Variants in HPSE2 observed in about 807,000 individuals in gnomAD.
HPSE2 encodes heparanase 2 (inactive).
In HPSE2, 38 loss-of-function variants were observed where a neutral mutation model predicts 60.5. The observed-to-expected ratio is 0.63, with a 90% CI of 0.48 to 0.82. The LOEUF (loss-of-function observed/expected upper bound fraction) is 0.82. Among genes scored for constraint, HPSE2 ranks in the 40% least tolerant of loss-of-function variants. The probability of loss-of-function intolerance (pLI) is 0.00; values close to 1 mark genes in which losing one functional copy is unlikely to be tolerated. For missense variants in HPSE2, 713 were observed against 740.4 expected (o/e 0.96, Z 0.43); for synonymous variants, 295 against 293.2 (o/e 1.01, Z -0.06).
the HPSE2 span, among the ~76,000 whole-genome samples, chr10:99,292,398 T>C: frequency 1.3e-5 from 2 of 152,212 alleles, no homozygotes; most frequent in Non-Finnish European, 2.9e-5. Context: ...CTCTGAGTCA[T>C]GAGAAGTTTG....
chr10:98,618,819 T>G (rs1319832966), intron 8 of HPSE2, among the ~76,000 whole-genome samples: 1 of 152,138 alleles, frequency 6.6e-6, no homozygotes, highest in Non-Finnish European at 1.5e-5. Flanking sequence ...TCAAGTGATC[T>G]GTCCACTTTG....
intron 9 of HPSE2, among the ~76,000 whole-genome samples, chr10:98,568,445 G>A (rs1944406304): frequency 6.6e-6 from 1 of 152,150 alleles, no homozygotes. Flanking sequence ...GGCTGAAGGT[G>A]GGAATGAATA....
chr10:99,297,601 T>G, the HPSE2 span, among the ~76,000 whole-genome samples: 3 of 152,214 alleles, frequency 2.0e-5, no homozygotes, highest in Non-Finnish European at 4.4e-5. Flanking sequence ...GTCTTATGTT[T>G]GCTTTTAACT....
intron 11 of HPSE2, among the ~76,000 whole-genome samples, chr10:98,467,027 C>T (rs1281302985): frequency 6.6e-6 from 1 of 152,114 alleles, no homozygotes; most frequent in Non-Finnish European, 1.5e-5. Flanking sequence ...TTTATCTAAT[C>T]GCGGCCTAAG....
intron 3 of HPSE2, among the ~76,000 whole-genome samples, chr10:98,881,370 G>A (rs1485894237): frequency 8.6e-5 from 13 of 152,038 alleles, no homozygotes; most frequent in Admixed American, 8.5e-4. Flanking sequence ...ACATATGACA[G>A]GAAGTTGGGA....
In HPSE2 at chr10:99,101,143, A is replaced by T. The variant is rs11527899; in HGVS notation, c.610+43095T>A. 8.1e-4 allele frequency among the ~76,000 whole-genome samples: 123 copies of T among 152,318 alleles called. No homozygotes were observed. In the East Asian group the frequency reaches 0.023, roughly 28 times the overall value. On this transcript the variant is annotated intron_variant, in intron 3 of 11. Coordinates refer to ENST00000370552, the MANE Select transcript of HPSE2 (RefSeq NM_021828.5). ...GATAAAATTCATACATTACAATATT[A>T]ACCTTAAATATAAATGGGCTAAATG...
intron 5 of HPSE2, among the ~76,000 whole-genome samples, chr10:98,712,195 A>T (rs1224563528): frequency 6.6e-6 from 1 of 152,098 alleles, no homozygotes; most frequent in East Asian, 1.9e-4. Context: ...AATGTTCGAC[A>T]GACTGACTTC....
chr10:99,242,181 A>G, the HPSE2 span, among the ~76,000 whole-genome samples: 1 of 152,222 alleles, frequency 6.6e-6, no homozygotes, highest in Admixed American at 6.5e-5. Flanking sequence ...AGGGATGACA[A>G]CACTTTCTCC....
chr10:99,181,008 G>GT (rs1051974386), intron 2 of HPSE2, among the ~76,000 whole-genome samples: 1 of 151,724 alleles, frequency 6.6e-6, no homozygotes, highest in Non-Finnish European at 1.5e-5. Flanking sequence ...GGAAGACAGT[G>GT]TGACGATTCT....
chr10:98,689,283 G>A (rs777295918), intron 6 of HPSE2, among the ~76,000 whole-genome samples: 24 of 151,986 alleles, frequency 1.6e-4, no homozygotes, highest in African/African-American at 3.1e-4. Flanking sequence ...ATTTTTTTCC[G>A]CTACTTTTTC....
chr10:98,807,078 T>C (rs1951060022), intron 3 of HPSE2, among the ~76,000 whole-genome samples: 1 of 152,090 alleles, frequency 6.6e-6, no homozygotes, highest in Non-Finnish European at 1.5e-5. Flanking sequence ...AGGAGGTGGA[T>C]GTTGCAGTGA....
chr10:99,188,209 A>G (rs1376398315), intron 2 of HPSE2, among the ~76,000 whole-genome samples: 3 of 152,186 alleles, frequency 2.0e-5, no homozygotes, highest in Non-Finnish European at 4.4e-5. Flanking sequence ...TGAATCCCCA[A>G]AACATTACAC....
chr10:98,767,716 CATAT>C (rs1006462620), intron 3 of HPSE2, among the ~76,000 whole-genome samples: 4 of 143,882 alleles, frequency 2.8e-5, no homozygotes, highest in African/African-American at 1.0e-4. Flanking sequence ...ATAATAAATT[CATAT>C]ATAAACATAC....
intron 3 of HPSE2, among the ~76,000 whole-genome samples, chr10:98,982,357 A>G (rs1290288009): frequency 3.3e-5 from 5 of 152,192 alleles, no homozygotes; most frequent in Non-Finnish European, 5.9e-5. Flanking sequence ...ACAATAAAAC[A>G]GATGGAAGAT....
chr10:99,193,497 GA>G (rs972968661), intron 2 of HPSE2, among the ~76,000 whole-genome samples: 54 of 139,608 alleles, frequency 3.9e-4, no homozygotes, highest in South Asian at 9.1e-4. Flanking sequence ...TGAATGGATA[GA>G]AAAAAAAAAA....
chr10:98,999,156 C>CGCGT (rs1554861476), intron 3 of HPSE2, among the ~76,000 whole-genome samples: 29 of 137,682 alleles, frequency 2.1e-4, no homozygotes, highest in African/African-American at 7.6e-4. Context: ...GTATAGACTA[C>CGCGT]GTGTGTGTGT....
intron 3 of HPSE2, among the ~76,000 whole-genome samples, chr10:99,115,672 CT>C (rs997372881): frequency 1.3e-5 from 2 of 152,064 alleles, no homozygotes; most frequent in Admixed American, 1.3e-4. Flanking sequence ...TAATTATAAC[CT>C]TTTTCCCATA....
At chr10:99,039,532 A>G (rs1264126321) in intron 3 of HPSE2, among the ~76,000 whole-genome samples, 1 of 149,924 alleles carries the variant, frequency 6.7e-6, no homozygotes, top group Admixed American at 6.7e-5. Context: ...TGTATATTAT[A>G]TATTATATAT....
At chr10:99,165,211 T>C (rs777760527) in intron 2 of HPSE2, among the ~76,000 whole-genome samples, 2 of 151,804 alleles carry the variant, frequency 1.3e-5, no homozygotes, top group Admixed American at 6.6e-5. Context: ...CTAATATACA[T>C]ACAAAGTAGT....
Sources: allele counts gnomAD v4.1 joint callset (sites outside exome capture counted in the v4.1 genomes callset), GRCh38; gene constraint gnomAD v4.1.1; transcripts MANE v1.5; gene names NCBI Gene and HGNC (gene_info 2026-07-23, HGNC 2026-07-21).